The following CREBBP variants were observed in gnomAD, a reference collection of about 807,000 sequenced individuals.
CREBBP encodes the protein CREB binding lysine acetyltransferase, also known as CREB-binding protein.
A neutral mutation model predicts 265.0 loss-of-function variants in CREBBP; 19 were observed. The ratio of observed to expected loss-of-function variants is 0.07; its 90% CI spans 0.05 to 0.11. The LOEUF (loss-of-function observed/expected upper bound fraction) is 0.11. Among genes scored for constraint, CREBBP ranks in the 10% least tolerant of loss-of-function variants. The pLI, the probability that CREBBP is intolerant of heterozygous loss-of-function variation, is 1.00. For missense variants in CREBBP, 2,525 were observed against 3,219.0 expected (o/e 0.78, Z 5.22); for synonymous variants, 1,457 against 1,223.7 (o/e 1.19, Z -3.98).
rs2051824359 is a variant in CREBBP at position 3,728,759 on chromosome 16, T to G, written c.6288A>C (p.Leu2096=). The G allele has an allele frequency of 1.2e-6, 2 of 1,613,776 alleles. No homozygotes were observed. Among genetic ancestry groups the G allele is most frequent in the Non-Finnish European group, 1.7e-6 (2 of 1,180,012 alleles). The change falls in exon 31 of 31, where the codon CTA becomes CTC. Residue 2096 remains leucine (L), a synonymous_variant. Transcript: ENST00000262367. This position sits in a 1 kb window ranked among gnomAD's most constrained non-coding sequence, Gnocchi z 8.7. ...VLNILKSNPQ[L]MAAFIKQRTA... ...TGCGCTGTTTGATGAAAGCTGCCAT[T>G]AGCTGCGGGTTTGATTTGAGAATGT...
chr16:3,820,158 A>T (rs532365159), intron 2 of CREBBP, among the ~76,000 whole-genome samples: 1 of 152,356 alleles, frequency 6.6e-6, no homozygotes, highest in South Asian at 2.1e-4. Context: ...CGGCCAGATC[A>T]TTTGTAAAGC....
chr16:3,831,521 A>G (rs536858934), intron 2 of CREBBP, among the ~76,000 whole-genome samples: 4 of 152,336 alleles, frequency 2.6e-5, no homozygotes, highest in African/African-American at 9.6e-5. Context: ...AGAAAAGCCA[A>G]CATAAGCAGA....
At chr16:3,799,417 A>T (rs186729112) in intron 3 of CREBBP, among the ~76,000 whole-genome samples, 69 of 152,364 alleles carry the variant, frequency 4.5e-4, no homozygotes, top group African/African-American at 1.6e-3. Flanking sequence ...GCCAAGATTT[A>T]AAAAATGCTA....
At chr16:3,823,495 C>T (rs887565180) in intron 2 of CREBBP, among the ~76,000 whole-genome samples, 1 of 152,144 alleles carries the variant, frequency 6.6e-6, no homozygotes, top group Non-Finnish European at 1.5e-5. Context: ...TCAGCACAGG[C>T]CCACCACTCT....
chr16:3,849,612 C>T (rs1254637279), intron 2 of CREBBP, among the ~76,000 whole-genome samples: 1 of 148,058 alleles, frequency 6.8e-6, no homozygotes, highest in Non-Finnish European at 1.5e-5. Context: ...GTTGAGCTAT[C>T]CACCCACCTT....
intron 8 of CREBBP, among the ~76,000 whole-genome samples, chr16:3,779,066 C>T (rs1162443314): frequency 2.6e-5 from 4 of 151,604 alleles, no homozygotes; most frequent in African/African-American, 9.7e-5. Context: ...ACTCGGGAGG[C>T]TGAGGCAAGA....
intron 2 of CREBBP, among the ~76,000 whole-genome samples, chr16:3,818,455 G>A (rs182769766): frequency 7.6e-4 from 116 of 152,042 alleles, no homozygotes; most frequent in Admixed American, 1.9e-3. Context: ...CTACAGGCGC[G>A]TGCCACCACG....
chr16:3,841,848 G>A (rs888665948), intron 2 of CREBBP, among the ~76,000 whole-genome samples: 2 of 152,132 alleles, frequency 1.3e-5, no homozygotes, highest in Non-Finnish European at 2.9e-5. Flanking sequence ...TAAATTCTCA[G>A]GTCCCAACCA....
intron 1 of CREBBP, among the ~76,000 whole-genome samples, chr16:3,857,760 C>T (rs543363040): frequency 6.6e-6 from 1 of 152,348 alleles, no homozygotes; most frequent in East Asian, 1.9e-4. Flanking sequence ...ATAGCGAACA[C>T]TGCCTGTCAT....
chr16:3,787,002 C>T (rs541470837), intron 5 of CREBBP, among the ~76,000 whole-genome samples: 3 of 149,862 alleles, frequency 2.0e-5, no homozygotes, highest in South Asian at 2.1e-4. Flanking sequence ...ACTAGGGAGA[C>T]GGAGGTTGCG....
intron 2 of CREBBP, among the ~76,000 whole-genome samples, chr16:3,821,324 C>T (rs138233160): frequency 6.6e-6 from 1 of 152,316 alleles, no homozygotes; most frequent in African/African-American, 2.4e-5. Context: ...TAACTGTCAA[C>T]CCCTGGACTG....
At chr16:3,869,936 C>G (rs910480467) in intron 1 of CREBBP, among the ~76,000 whole-genome samples, 1 of 152,206 alleles carries the variant, frequency 6.6e-6, no homozygotes, top group Non-Finnish European at 1.5e-5. Context: ...AACAGAAGTT[C>G]AACTACGGGC....
intron 12 of CREBBP, 44 bp from the exon 13 acceptor site, chr16:3,773,974 A>G (rs1188855586): frequency 3.7e-6 from 6 of 1,606,176 alleles, no homozygotes; most frequent in Admixed American, 1.7e-5. Context: ...TCGGAAGCTG[A>G]CGGCCAGAGT....
intron 16 of CREBBP, among the ~76,000 whole-genome samples, chr16:3,762,909 G>A (rs888430402): frequency 6.6e-6 from 1 of 151,970 alleles, no homozygotes; most frequent in Non-Finnish European, 1.5e-5. Flanking sequence ...CGAGTCGCTG[G>A]GACTACAGGC....
At chr16:3,839,371 T>C (rs987960353) in intron 2 of CREBBP, among the ~76,000 whole-genome samples, 5 of 152,096 alleles carry the variant, frequency 3.3e-5, no homozygotes, top group Admixed American at 3.3e-4. Context: ...TCTCATTAAA[T>C]TAAAAAGTTT....
At chr16:3,756,088 G>A (rs1229684344) in intron 19 of CREBBP, among the ~76,000 whole-genome samples, 2 of 152,096 alleles carry the variant, frequency 1.3e-5, no homozygotes, top group East Asian at 3.8e-4. Context: ...TTTCAGGCCT[G>A]TGAACAAATA....
chr16:3,742,519 G>T (rs1385171067), intron 23 of CREBBP: 5 of 152,134 alleles, frequency 3.3e-5, no homozygotes, highest in African/African-American at 9.7e-5. Context: ...GGCCTTTTGT[G>T]CCTTTTCCTT....
chr16:3,867,911 G>A (rs1336651047), intron 1 of CREBBP, among the ~76,000 whole-genome samples: 2 of 152,062 alleles, frequency 1.3e-5, no homozygotes, highest in East Asian at 3.9e-4. Context: ...GGCGGACAGA[G>A]TGAGACCCTG....
Position 3,778,584 on chromosome 16 carries a change from G to A in CREBBP, c.1941+116C>T, listed in dbSNP as rs8052927. 1.2e-3 allele frequency: 1,049 copies of A among 905,426 alleles called. 5 individuals are homozygous for A. The African/African-American group carries it at 0.015, about 13-fold the overall frequency. The allele number at this position is 905,426 out of a possible 1,614,324, so 56.1% of individuals were successfully genotyped here. A position where few individuals can be genotyped will look rare whatever the true frequency, so the allele number is the denominator to read the frequency against. On this transcript the variant is annotated intron_variant, in intron 9 of 30. Transcript: ENST00000262367. Reference sequence around the variant, plus strand: ...GTCTCCTTGGTCAGTGGCCTCAAGGGGAGGAGTCTGTCCCAACTACATAGA... The same window carrying A: ...GTCTCCTTGGTCAGTGGCCTCAAGGAGAGGAGTCTGTCCCAACTACATAGA...
Sources: allele counts gnomAD v4.1 joint callset (sites outside exome capture counted in the v4.1 genomes callset), GRCh38; gene constraint gnomAD v4.1.1; non-coding constraint Gnocchi (gnomAD v3.1); transcripts MANE v1.5; gene names NCBI Gene and HGNC (gene_info 2026-07-23, HGNC 2026-07-21).